Variants in PFKP observed in about 807,000 individuals in gnomAD.
The protein encoded by PFKP is phosphofructokinase, platelet.
In PFKP, 101 loss-of-function variants were observed where a neutral mutation model predicts 94.3. That is an observed-to-expected ratio of 1.07 (90% confidence interval 0.91 to 1.26). The LOEUF is 1.26. Among genes scored for constraint, PFKP ranks in the 50% most tolerant of loss-of-function variants. PFKP has a pLI of 0.00. For missense variants in PFKP, 1,145 were observed against 1,103.3 expected (o/e 1.04, Z -0.53); for synonymous variants, 573 against 432.6 (o/e 1.32, Z -4.03).
chr10:3,075,847 G>A (rs1212931682), intron 1 of PFKP, among the ~76,000 whole-genome samples: 1 of 148,848 alleles, frequency 6.7e-6, no homozygotes, highest in East Asian at 2.0e-4. Flanking sequence ...GGAGGCCGCA[G>A]TGAGCTGTGA....
chr10:3,093,531 C>T (rs929308880), intron 2 of PFKP, among the ~76,000 whole-genome samples: 1 of 152,098 alleles, frequency 6.6e-6, no homozygotes, highest in Admixed American at 6.5e-5. Context: ...CCTAGAAGAC[C>T]AGTTGAGGTG....
chr10:3,124,771 G>T (rs902959990), intron 16 of PFKP, among the ~76,000 whole-genome samples: 1 of 152,106 alleles, frequency 6.6e-6, no homozygotes, highest in African/African-American at 2.4e-5. Flanking sequence ...ACCATGACAC[G>T]CCGAGAGCTG....
In PFKP at chr10:3,070,811, C is replaced by T. The variant is rs796398094; in HGVS notation, c.112+3104C>T. ...GTAGTGGTGCCATCATAGCTCACTG[C>T]AGCCTCAAACTCCTGGGCTCAAGTG... On this transcript the variant is annotated intron_variant, in intron 1 of 21. Transcript: ENST00000381125. 2.6e-5 allele frequency among the ~76,000 whole-genome samples: 4 copies of T among 152,316 alleles called. 1 individual carries two copies. Among genetic ancestry groups the T allele is most frequent in the African/African-American group, 7.2e-5 (3 of 41,568 alleles).
intron 19 of PFKP, among the ~76,000 whole-genome samples, 156 bp downstream of exon 19, chr10:3,133,470 G>A (rs1011565424): frequency 6.6e-6 from 1 of 152,174 alleles, no homozygotes; most frequent in Admixed American, 6.5e-5. Flanking sequence ...TTGCTCTGTT[G>A]CCCAGGCTGG....
At chr10:3,076,382 GC>G (rs1832595389) in intron 1 of PFKP, among the ~76,000 whole-genome samples, 1 of 152,010 alleles carries the variant, frequency 6.6e-6, no homozygotes, top group Non-Finnish European at 1.5e-5. Context: ...CTGCCGCCGC[GC>G]CCCCGCCCCA....
At chr10:3,113,913 C>T (rs1462565366) in intron 13 of PFKP, among the ~76,000 whole-genome samples, 1 of 152,184 alleles carries the variant, frequency 6.6e-6, no homozygotes, top group South Asian at 2.1e-4. Context: ...CCTTAGTGAA[C>T]ACAGGTAACA....
rs1833159801 is a variant in PFKP, at chr10:3,082,466, G to A, written c.186+5G>A. The A allele has an allele frequency of 5.0e-6, 8 of 1,600,102 alleles. No individual in the cohort carries two copies. Among genetic ancestry groups the A allele is most frequent in the East Asian group, 2.3e-5 (1 of 44,278 alleles). ...AAGGTGTACTTCATCTACGAGGTCAGTGTCTGCCCCTCACCCCCTGTCGCC... is the reference window on the plus strand; with the variant it reads ...AAGGTGTACTTCATCTACGAGGTCAATGTCTGCCCCTCACCCCCTGTCGCC... On this transcript the variant is annotated splice_donor_5th_base_variant and intron_variant, in intron 2 of 21. Transcript: ENST00000381125.
chr10:3,134,000 G>T (rs540284318), intron 19 of PFKP, among the ~76,000 whole-genome samples: 2 of 152,244 alleles, frequency 1.3e-5, no homozygotes, highest in Admixed American at 1.3e-4. Context: ...AGGCACACAC[G>T]TGTTATGAGC....
chr10:3,110,026 G>C (rs1165737029), intron 10 of PFKP, among the ~76,000 whole-genome samples: 2 of 152,104 alleles, frequency 1.3e-5, no homozygotes, highest in Admixed American at 1.3e-4. Context: ...AGGACATTCA[G>C]GTCTGTGATG....
At chr10:3,118,206 C>T (rs1006674519) in intron 14 of PFKP, among the ~76,000 whole-genome samples, 1 of 152,190 alleles carries the variant, frequency 6.6e-6, no homozygotes, top group Non-Finnish European at 1.5e-5. Context: ...CGGCGGCTCA[C>T]ACCTGTAACC....
intron 1 of PFKP, among the ~76,000 whole-genome samples, chr10:3,080,570 C>G (rs17135865): frequency 0.038 from 5,626 of 148,618 alleles, 152 homozygotes; most frequent in East Asian, 0.1. Flanking sequence ...TGGAAAACAT[C>G]TCGGACGTAG....
intron 8 of PFKP, 122 bp from the exon 9 acceptor site, chr10:3,108,578 CT>C: frequency 1.5e-6 from 1 of 688,760 alleles, no homozygotes; most frequent in South Asian, 1.8e-5. Flanking sequence ...TTAGAAATAA[CT>C]TTTCCCATTT....
Position 3,133,281 on chromosome 10 carries a change from C to G in PFKP, c.1989C>G (p.Asp663Glu), listed in dbSNP as rs1024630375. The G allele has an allele frequency of 1.2e-6, 2 of 1,613,858 alleles. No individual in the cohort carries two copies. Among genetic ancestry groups the G allele is most frequent in the African/African-American group, 1.3e-5 (1 of 74,926 alleles). The change falls in exon 19 of 22, where the codon GAC becomes GAG. Residue 663 changes from aspartate to glutamate, a missense_variant. By Grantham distance (45) the Asp-to-Glu change is conservative. Transcript: ENST00000381125. ...CAGAAGAGGGCAAAGGCGTGTTTGA[C>G]TGCAGGAAGAACGTGCTGGGTCACA... ...LYSEEGKGVF[D>E]CRKNVLGHMQ...
In PFKP at chr10:3,087,308, C is replaced by G. The variant is rs1026168010; in HGVS notation, c.186+4847C>G. On this transcript the variant is annotated intron_variant, in intron 2 of 21. Coordinates refer to ENST00000381125, the MANE Select transcript of PFKP (RefSeq NM_002627.5). ...GGTAAAACCCATATGTTCTCTCTGT[C>G]TCAGCTGGGAGGGCTGGGGCTCTGA... Among the ~76,000 whole-genome samples the G allele has an allele frequency of 3.3e-5, 5 of 152,222 alleles. 1 individual carries two copies. The South Asian group carries it at 1.0e-3, about 32-fold the overall frequency.
rs527632691 is a variant in PFKP at position 3,089,559 on chromosome 10, TC to T, written c.186+7100del. Among the ~76,000 whole-genome samples, 95 of 152,128 alleles carry T rather than the reference TC, an allele frequency of 6.2e-4. 1 individual carries two copies. Among genetic ancestry groups the T allele is most frequent in the African/African-American group, 2.2e-3 (92 of 41,500 alleles). On this transcript the variant is annotated intron_variant, in intron 2 of 21. Transcript: ENST00000381125. ...TGATAAAATCAGGGTAAGTAGCATA[TC>T]CATCACCTCAAGAACAATCATCTCT...
chr10:3,116,145 T>TATATATATAC (rs1405747635), intron 13 of PFKP, among the ~76,000 whole-genome samples: 19 of 152,112 alleles, frequency 1.2e-4, no homozygotes, highest in African/African-American at 4.6e-4. Flanking sequence ...TATATATATA[T>TATATATATAC]ATACATACAC....
chr10:3,068,586 G>T, intron 1 of PFKP: 1 of 793,702 alleles, frequency 1.3e-6, no homozygotes, highest in Non-Finnish European at 1.5e-6. Flanking sequence ...TCTAGGAGGG[G>T]CCCGAGGCTG....
At chr10:3,112,162 C>T (rs1564320245) in intron 10 of PFKP, 60 bp from the exon 11 acceptor site, 2 of 1,352,104 alleles carry the variant, frequency 1.5e-6, no homozygotes, top group Admixed American at 1.7e-5. Flanking sequence ...TCTACCTACC[C>T]CATCCATGAT....
At chr10:3,119,802 T>TG in intron 15 of PFKP, 90 bp from the exon 16 acceptor site, 1 of 1,148,184 alleles carries the variant, frequency 8.7e-7, no homozygotes, top group South Asian at 1.4e-5. Context: ...CTGCGTGCTG[T>TG]GGTGGAGGTG....
Sources: gnomAD v4.1 joint callset for allele counts (sites outside exome capture counted in the v4.1 genomes callset) on GRCh38, gnomAD v4.1.1 for gene constraint, MANE v1.5 for transcripts, NCBI Gene and HGNC (gene_info 2026-07-23, HGNC 2026-07-21) for gene names.